Variants in TRAPPC12 observed in about 807,000 individuals in gnomAD.
TRAPPC12 encodes the protein TPR repeat protein 15.
TRAPPC12 carries 61 observed loss-of-function variants against 69.2 expected under a neutral mutation model. That is an observed-to-expected ratio of 0.88 (90% confidence interval 0.72 to 1.09). The LOEUF is 1.09. Ranked by LOEUF, TRAPPC12 falls within the 50% of genes least tolerant of loss-of-function variation. The pLI is 0.00. For missense variants in TRAPPC12, 1,101 were observed against 1,016.4 expected, an observed-to-expected ratio of 1.08 and a Z score of -1.13; for synonymous variants, 469 against 438.9, an observed-to-expected ratio of 1.07 and a Z score of -0.86.
At chr2:3,469,066 G>A (rs764815621) in intron 9 of TRAPPC12, among the ~76,000 whole-genome samples, 14 of 152,326 alleles carry the variant, frequency 9.2e-5, no homozygotes, top group South Asian at 2.1e-4. Flanking sequence ...CCGAAGGGAC[G>A]TAGCGCTCAA....
intron 6 of TRAPPC12, 81 bp from the exon 7 acceptor site, chr2:3,457,540 G>C: frequency 1.8e-6 from 2 of 1,104,426 alleles, no homozygotes; most frequent in East Asian, 4.8e-5. Context: ...GAAATTTGCT[G>C]TACTGAGATT....
intron 6 of TRAPPC12, among the ~76,000 whole-genome samples, chr2:3,445,952 C>A (rs1664483571): frequency 6.6e-6 from 1 of 152,248 alleles, no homozygotes; most frequent in Admixed American, 6.5e-5. Context: ...GGGCTGGGCC[C>A]TCCTGAGACT....
intron 3 of TRAPPC12, 128 bp downstream of exon 3, chr2:3,402,021 T>C (rs771328547): frequency 6.9e-5 from 45 of 653,986 alleles, no homozygotes; most frequent in Non-Finnish European, 1.1e-4. Flanking sequence ...AGAATTTTGT[T>C]GGAGTAGATG....
intron 8 of TRAPPC12, among the ~76,000 whole-genome samples, chr2:3,463,265 G>T (rs372673849): frequency 6.6e-6 from 1 of 151,978 alleles, no homozygotes; most frequent in African/African-American, 2.4e-5. Flanking sequence ...CTGTATTGAC[G>T]ATGGGCCCCC....
rs148774092 is a variant in TRAPPC12 at position 3,388,281 on chromosome 2, G to C, written c.658G>C (p.Ala220Pro). 1.3e-4 allele frequency: 208 copies of C among 1,607,538 alleles called. No individual in the cohort carries two copies. The highest frequency in any genetic ancestry group is 1.7e-4 in the Non-Finnish European group (205 of 1,177,012). The change falls in exon 2 of 12, where the codon GCC (alanine) becomes CCC (proline). Residue 220 changes from alanine to proline, a missense_variant. By Grantham distance (27) the Ala-to-Pro change is conservative. Coordinates refer to ENST00000324266, the MANE Select transcript of TRAPPC12 (RefSeq NM_016030.6). ...AGACACGGCCGCCAGCCACTCCTTG[G>C]CCTCGGACTTCTTCGACTCCTTTAC... ...FGDTAASHSL[A>P]SDFFDSFTTS... is the part of the protein sequence containing the mutation.
rs1452684736 is a variant in TRAPPC12 at position 3,414,732 on chromosome 2, T to C, written c.1165-7149T>C. Among the ~76,000 whole-genome samples, 2 of 152,126 alleles carry C rather than the reference T, an allele frequency of 1.3e-5. No homozygotes were observed. Among genetic ancestry groups the C allele is most frequent in the Non-Finnish European group, 2.9e-5 (2 of 68,014 alleles). On this transcript the variant is annotated intron_variant, in intron 3 of 11. Transcript: ENST00000324266. This position sits in a 1 kb window ranked among gnomAD's most constrained non-coding sequence, Gnocchi z 4.9. ...CGCGAGGGACACCATTCCCCGTCGT[T>C]GACGTGCATTCCTCTTGTTCATCGT...
intron 6 of TRAPPC12, among the ~76,000 whole-genome samples, chr2:3,444,286 A>G (rs772763561): frequency 1.3e-5 from 2 of 152,254 alleles, no homozygotes; most frequent in African/African-American, 2.4e-5. Flanking sequence ...GAAAGCAATC[A>G]TGGTTTAAGC....
Position 3,457,690 on chromosome 2 carries a change from C to T in TRAPPC12, c.1600C>T (p.Gln534Ter), listed in dbSNP as rs373791841. The T allele has an allele frequency of 5.0e-6, 8 of 1,610,124 alleles. No individual in the cohort carries two copies. Among genetic ancestry groups the T allele is most frequent in the Non-Finnish European group, 6.8e-6 (8 of 1,179,972 alleles). Residue 534 changes from glutamine to a stop codon, truncating the protein, a stop_gained, in exon 7 of 12, where the codon CAA becomes TAA. Coordinates refer to ENST00000324266, the MANE Select transcript of TRAPPC12 (RefSeq NM_016030.6). LOFTEE classifies it high-confidence loss of function. Reference sequence around the variant, plus strand: ...GAGCAGCGTGACTCAGGAGGGCAGACAAGGTGGGTCGGCCGGACTTTGCTG... The same window carrying T: ...GAGCAGCGTGACTCAGGAGGGCAGATAAGGTGGGTCGGCCGGACTTTGCTG... ...GMSSVTQEGR[Q>*]ASIRLWRSRL... is the part of the protein sequence containing the mutation.
chr2:3,467,740 C>G (rs1011572713), intron 9 of TRAPPC12: 10 of 152,382 alleles, frequency 6.6e-5, no homozygotes, highest in African/African-American at 2.4e-4. Flanking sequence ...GATGCCCGAG[C>G]ACACAGCAGA....
intron 3 of TRAPPC12, among the ~76,000 whole-genome samples, chr2:3,417,341 C>A (rs545968839): frequency 6.6e-6 from 1 of 152,106 alleles, no homozygotes. Flanking sequence ...CCACCGCCCC[C>A]GCTGCCTGCT....
intron 6 of TRAPPC12, among the ~76,000 whole-genome samples, chr2:3,449,044 C>T (rs116136823): frequency 0.021 from 3,158 of 152,234 alleles, 114 homozygotes; most frequent in African/African-American, 0.073. Context: ...TGTCTTTGAG[C>T]CACTGAGTGA....
chr2:3,383,802 A>G (rs1404370340), intron 1 of TRAPPC12, among the ~76,000 whole-genome samples: 1 of 148,978 alleles, frequency 6.7e-6, no homozygotes, highest in African/African-American at 2.5e-5. Flanking sequence ...ATTTGTCTAC[A>G]CATCACTCAA....
At chr2:3,468,864 G>A (rs1235428106) in intron 9 of TRAPPC12, among the ~76,000 whole-genome samples, 1 of 152,232 alleles carries the variant, frequency 6.6e-6, no homozygotes, top group African/African-American at 2.4e-5. Flanking sequence ...CTCAGCACGG[G>A]ATGGAGGACG....
intron 5 of TRAPPC12, among the ~76,000 whole-genome samples, chr2:3,436,994 C>A (rs2103085127): frequency 1.1e-5 from 1 of 90,990 alleles, no homozygotes; most frequent in South Asian, 4.7e-4. Flanking sequence ...GATTAATCCC[C>A]CCATCAGCCC....
intron 3 of TRAPPC12, among the ~76,000 whole-genome samples, chr2:3,416,281 G>A (rs960191885): frequency 1.3e-5 from 2 of 152,104 alleles, no homozygotes; most frequent in Non-Finnish European, 2.9e-5. Context: ...CCTGCCTTAA[G>A]GGCTGTCTTG....
Position 3,388,101 on chromosome 2 carries a change from T to C in TRAPPC12, c.478T>C (p.Cys160Arg), listed in dbSNP as rs1660591512. The change falls in exon 2 of 12, where the codon TGC becomes CGC. Residue 160 changes from cysteine to arginine, a missense_variant. Coordinates refer to ENST00000324266, the MANE Select transcript of TRAPPC12 (RefSeq NM_016030.6). ...TCCCGTTGCGGAGCCGGTCCCGGTG[T>C]GCACCATCTTCAGCCAGCGCGCGCC... The part of the protein sequence containing the change: ...EPPVAEPVPV[C>R]TIFSQRAPPA... 1.3e-6 allele frequency: 2 copies of C among 1,559,340 alleles called. No individual in the cohort carries two copies. The highest frequency in any genetic ancestry group is 1.9e-5 in the Admixed American group (1 of 53,428).
chr2:3,407,956 C>A (rs906106361), intron 3 of TRAPPC12, among the ~76,000 whole-genome samples: 1 of 152,138 alleles, frequency 6.6e-6, no homozygotes, highest in East Asian at 1.9e-4. Context: ...GGCTCTGGCT[C>A]TCACAGTAGC....
intron 9 of TRAPPC12, among the ~76,000 whole-genome samples, chr2:3,471,954 G>A (rs1436782685): frequency 6.6e-6 from 1 of 152,160 alleles, no homozygotes; most frequent in East Asian, 1.9e-4. Flanking sequence ...GGGTGGTTCT[G>A]CAGTGTCTGT....
intron 9 of TRAPPC12, chr2:3,472,664 G>T (rs1666117014): frequency 1.3e-5 from 2 of 152,194 alleles, no homozygotes. Flanking sequence ...TAAAGAAAAA[G>T]TAAAAAGACA....
Sources: allele counts gnomAD v4.1 joint callset (sites outside exome capture counted in the v4.1 genomes callset), GRCh38; gene constraint gnomAD v4.1.1; non-coding constraint Gnocchi (gnomAD v3.1); transcripts MANE v1.5; gene names NCBI Gene and HGNC (gene_info 2026-07-23, HGNC 2026-07-21).